Variants in MEOX1 observed in about 807,000 individuals in gnomAD.
The protein encoded by MEOX1 is mesenchyme homeobox 1, also known as homeobox protein MOX-1.
MEOX1 carries 17 observed loss-of-function variants against 23.2 expected under a neutral mutation model. The observed-to-expected ratio is 0.73, with a 90% CI of 0.50 to 1.10. The LOEUF (loss-of-function observed/expected upper bound fraction) is 1.10. Ranked by LOEUF, MEOX1 falls within the 50% of genes least tolerant of loss-of-function variation. The pLI is 0.00. For missense variants in MEOX1, 333 were observed against 332.2 expected (o/e 1.00, Z -0.02); for synonymous variants, 134 against 135.1 (o/e 0.99, Z 0.06).
chr17:43,654,223 A>C (rs1972970245), intron 1 of MEOX1, among the ~76,000 whole-genome samples: 1 of 152,190 alleles, frequency 6.6e-6, no homozygotes, highest in Admixed American at 6.5e-5. Flanking sequence ...ATATGCTTAT[A>C]AGAAGGGGAG....
At position 43,661,613 on chromosome 17, in the gene MEOX1, A is replaced by G. The variant is rs1226287366; in HGVS notation, c.-79T>C. 5.3e-6 allele frequency: 5 copies of G among 939,736 alleles called. No individual in the cohort carries two copies. In the East Asian group the frequency reaches 9.2e-5, roughly 17 times the overall value. The allele number at this position is 939,736 out of a possible 1,614,324, so 58.2% of individuals were successfully genotyped here. On this transcript the variant is annotated 5_prime_UTR_variant, in exon 1 of 3. Transcript: ENST00000318579. Reference sequence around the variant, plus strand: ...TTATGTTCAAATTTTTAAAAATGCAAAAGAAAAAAAACTAAATAGGAGGGA... The same window carrying G: ...TTATGTTCAAATTTTTAAAAATGCAGAAGAAAAAAAACTAAATAGGAGGGA...
At chr17:43,660,938 G>A in intron 1 of MEOX1, 128 bp downstream of exon 1, 1 of 557,664 alleles carries the variant, frequency 1.8e-6, no homozygotes, top group Non-Finnish European at 3.1e-6. Context: ...AAGGTAACTG[G>A]TCCAGTCTCC....
chr17:43,646,249 C>T (rs80195599), intron 1 of MEOX1, among the ~76,000 whole-genome samples: 18,005 of 152,182 alleles, frequency 0.12, 1,186 homozygotes, highest in East Asian at 0.26. Flanking sequence ...GGACGCGCAG[C>T]CCCGGGCCGG....
chr17:43,648,509 C>T (rs1437793221), intron 1 of MEOX1, among the ~76,000 whole-genome samples: 1 of 151,774 alleles, frequency 6.6e-6, no homozygotes, highest in Non-Finnish European at 1.5e-5. Context: ...CTAACTCATG[C>T]TTCCCAAGAT....
At chr17:43,657,503 A>G (rs748677254) in intron 1 of MEOX1, among the ~76,000 whole-genome samples, 68 of 152,158 alleles carry the variant, frequency 4.5e-4, no homozygotes, top group Non-Finnish European at 7.9e-4. Context: ...TGCTTTCTTG[A>G]TAATTTCTTT....
At chr17:43,655,510 C>T (rs1972998839) in intron 1 of MEOX1, among the ~76,000 whole-genome samples, 1 of 150,896 alleles carries the variant, frequency 6.6e-6, no homozygotes, top group Non-Finnish European at 1.5e-5. Flanking sequence ...TATATCCATA[C>T]AATGGAATGT....
chr17:43,643,727 C>T, intron 1 of MEOX1, 67 bp from the exon 2 acceptor site: 1 of 1,326,248 alleles, frequency 7.5e-7, no homozygotes, highest in South Asian at 1.4e-5. Flanking sequence ...TTCTTTTGCC[C>T]TTGAGCAACT....
At chr17:43,649,117 G>C (rs142198316) in intron 1 of MEOX1, among the ~76,000 whole-genome samples, 1 of 152,260 alleles carries the variant, frequency 6.6e-6, no homozygotes, top group East Asian at 1.9e-4. Context: ...TTAACACCTA[G>C]CACAGTGCCT....
chr17:43,659,227 C>T (rs962814453), intron 1 of MEOX1, among the ~76,000 whole-genome samples: 9 of 152,210 alleles, frequency 5.9e-5, no homozygotes, highest in Non-Finnish European at 1.3e-4. Context: ...GAAGGAGCCA[C>T]AGTGCTGCGT....
chr17:43,654,104 G>A (rs930860072), intron 1 of MEOX1, among the ~76,000 whole-genome samples: 6 of 152,156 alleles, frequency 3.9e-5, no homozygotes, highest in African/African-American at 1.2e-4. Context: ...CTATGTTGAA[G>A]CCCTAACCCC....
At chr17:43,648,253 A>C (rs1972847581) in intron 1 of MEOX1, among the ~76,000 whole-genome samples, 1 of 152,108 alleles carries the variant, frequency 6.6e-6, no homozygotes, top group Non-Finnish European at 1.5e-5. Context: ...GCGGATCATA[A>C]GGTCAGGAGA....
chr17:43,656,998 T>C (rs75718093), intron 1 of MEOX1, among the ~76,000 whole-genome samples: 3,235 of 99,732 alleles, frequency 0.032, 38 homozygotes, highest in Non-Finnish European at 0.041. Flanking sequence ...TTCTTTCTTT[T>C]TCTTTCTTTC....
chr17:43,657,473 C>A (rs1203520680), intron 1 of MEOX1, among the ~76,000 whole-genome samples: 2 of 151,994 alleles, frequency 1.3e-5, no homozygotes, highest in Non-Finnish European at 2.9e-5. Context: ...AGGCATGAGC[C>A]ACCGCGCCCG....
At chr17:43,642,273 A>C (rs1972711352) in intron 2 of MEOX1, among the ~76,000 whole-genome samples, 1 of 151,842 alleles carries the variant, frequency 6.6e-6, no homozygotes, top group Non-Finnish European at 1.5e-5. Flanking sequence ...TTCTAAAAGC[A>C]CTCTGCATTG....
At chr17:43,657,024 T>TTCTTTCTTTCTTTC (rs1973037804) in intron 1 of MEOX1, among the ~76,000 whole-genome samples, 2 of 126,692 alleles carry the variant, frequency 1.6e-5, no homozygotes. Context: ...CTTTCTTTCT[T>TTCTTTCTTTCTTTC]TCTTTCTTTC....
chr17:43,641,792 A>G lies in MEOX1; in HGVS notation c.*118T>C. On this transcript the variant is annotated 3_prime_UTR_variant, in exon 3 of 3. Transcript: ENST00000318579. ...CTGGGCAGTTTCATATCCAAGAGTC[A>G]GGGAAAGATGTGGAGAGGCTGCCCT... 9.2e-7 allele frequency: 1 copy of G among 1,084,298 alleles called. No homozygotes were observed. The highest frequency in any genetic ancestry group is 1.3e-6 in the Non-Finnish European group (1 of 756,722). The allele number at this position is 1,084,298 out of a possible 1,614,324, so 67.2% of individuals were successfully genotyped here. A position where few individuals can be genotyped will look rare whatever the true frequency, so the allele number is the denominator to read the frequency against.
chr17:43,651,580 G>A (rs1248877135), intron 1 of MEOX1, among the ~76,000 whole-genome samples: 1 of 152,194 alleles, frequency 6.6e-6, no homozygotes, highest in Non-Finnish European at 1.5e-5. Flanking sequence ...AAGGAAGGGG[G>A]TGGGTCCTGG....
At chr17:43,656,484 T>C (rs1973022039) in intron 1 of MEOX1, among the ~76,000 whole-genome samples, 1 of 151,896 alleles carries the variant, frequency 6.6e-6, no homozygotes, top group Admixed American at 6.6e-5. Flanking sequence ...TTTTATACCT[T>C]AGGCAAATTT....
intron 1 of MEOX1, among the ~76,000 whole-genome samples, chr17:43,644,297 G>A (rs959210938): frequency 9.2e-5 from 14 of 152,206 alleles, no homozygotes; most frequent in Non-Finnish European, 1.5e-5. Flanking sequence ...GCCTGCCCCA[G>A]ACCTACCTAC....
Sources: allele counts gnomAD v4.1 joint callset (sites outside exome capture counted in the v4.1 genomes callset), GRCh38; gene constraint gnomAD v4.1.1; transcripts MANE v1.5; gene names NCBI Gene and HGNC (gene_info 2026-07-23, HGNC 2026-07-21).